The following WDFY2 variants were observed in gnomAD, a reference collection of about 807,000 sequenced individuals.
The protein encoded by WDFY2 is WD repeat and FYVE domain containing 2.
Under a neutral mutation model 56.4 loss-of-function variants are expected in WDFY2, and 36 were observed. That is an observed-to-expected ratio of 0.64 (90% CI 0.49 to 0.84). WDFY2 has a LOEUF of 0.84. Ranked by LOEUF, WDFY2 falls within the 40% of genes least tolerant of loss-of-function variation. The pLI is 0.00. For synonymous variants in WDFY2, 176 were observed against 183.7 expected (o/e 0.96, Z 0.34); for missense variants, 444 against 512.2 (o/e 0.87, Z 1.29).
At chr13:51,728,159 C>A (rs902350273) in intron 6 of WDFY2, among the ~76,000 whole-genome samples, 6 of 152,180 alleles carry the variant, frequency 3.9e-5, no homozygotes, top group African/African-American at 1.2e-4. Context: ...TGACCTTGCC[C>A]TTCCTGGAGT....
At chr13:51,625,191 G>C (rs149621086) in intron 1 of WDFY2, among the ~76,000 whole-genome samples, 2,300 of 152,258 alleles carry the variant, frequency 0.015, 15 homozygotes, top group Middle Eastern at 0.024. Flanking sequence ...TGGTGGCCAG[G>C]GTGGTAAGAG....
At chr13:51,735,620 T>C (rs1169514695) in intron 6 of WDFY2, among the ~76,000 whole-genome samples, 1 of 152,174 alleles carries the variant, frequency 6.6e-6, no homozygotes, top group African/African-American at 2.4e-5. Flanking sequence ...ACATTTTTGG[T>C]AGGTAGAATG....
At chr13:51,679,836 C>T (rs776750025) in intron 3 of WDFY2, among the ~76,000 whole-genome samples, 8 of 152,078 alleles carry the variant, frequency 5.3e-5, no homozygotes, top group Admixed American at 1.3e-4. Flanking sequence ...CTTGGCATTC[C>T]GTGGCTTGTG....
intron 7 of WDFY2, among the ~76,000 whole-genome samples, chr13:51,742,635 G>A (rs1231503690): frequency 2.6e-5 from 4 of 151,752 alleles, no homozygotes; most frequent in Admixed American, 2.0e-4. Flanking sequence ...CCAACTTCAC[G>A]CCCGTAATTT....
intron 8 of WDFY2, among the ~76,000 whole-genome samples, chr13:51,754,189 G>C (rs542821369): frequency 5.7e-4 from 86 of 151,624 alleles, no homozygotes; most frequent in African/African-American, 2.0e-3. Flanking sequence ...CTCCCATCCT[G>C]CTGTTTCTTG....
chr13:51,742,990 G>T (rs542213544), intron 7 of WDFY2, among the ~76,000 whole-genome samples: 6 of 152,300 alleles, frequency 3.9e-5, no homozygotes, highest in African/African-American at 1.4e-4. Context: ...CTTGTATCAA[G>T]TAAATTGCAT....
intron 5 of WDFY2, among the ~76,000 whole-genome samples, chr13:51,725,240 A>G (rs1225483304): frequency 6.6e-6 from 1 of 152,228 alleles, no homozygotes; most frequent in East Asian, 1.9e-4. Context: ...ATAATGAGCA[A>G]TACTAAATAA....
intron 2 of WDFY2, among the ~76,000 whole-genome samples, chr13:51,669,863 TG>T (rs1295344358): frequency 1.3e-5 from 2 of 152,154 alleles, no homozygotes; most frequent in African/African-American, 4.8e-5. Flanking sequence ...CAGTTAAAAG[TG>T]GGGGTCATAA....
At chr13:51,690,024 G>A (rs1470299117) in intron 3 of WDFY2, among the ~76,000 whole-genome samples, 2 of 151,944 alleles carry the variant, frequency 1.3e-5, no homozygotes, top group Non-Finnish European at 2.9e-5. Context: ...AATGAGATTT[G>A]CTAAAATGGA....
chr13:51,621,566 AC>A (rs1172740523), intron 1 of WDFY2, among the ~76,000 whole-genome samples: 1 of 152,202 alleles, frequency 6.6e-6, no homozygotes, highest in African/African-American at 2.4e-5. Context: ...GGTATCAGTT[AC>A]CTGGGAAAGC....
intron 1 of WDFY2, among the ~76,000 whole-genome samples, chr13:51,605,351 G>A (rs1954366561): frequency 1.3e-5 from 2 of 152,146 alleles, no homozygotes; most frequent in South Asian, 4.1e-4. Flanking sequence ...TGTTTTCTTA[G>A]GTACAAAATG....
At chr13:51,642,357 G>A (rs547782385) in intron 1 of WDFY2, among the ~76,000 whole-genome samples, 11 of 151,576 alleles carry the variant, frequency 7.3e-5, no homozygotes, top group Non-Finnish European at 1.0e-4. Context: ...GCACAATCTC[G>A]GCTCACTGCA....
chr13:51,730,457 C>T (rs1186568139), intron 6 of WDFY2, among the ~76,000 whole-genome samples: 1 of 152,196 alleles, frequency 6.6e-6, no homozygotes, highest in Non-Finnish European at 1.5e-5. Flanking sequence ...CCCTGGATCC[C>T]CTTCTCTTTA....
intron 1 of WDFY2, among the ~76,000 whole-genome samples, chr13:51,606,855 C>T (rs988381886): frequency 2.0e-5 from 3 of 152,046 alleles, no homozygotes; most frequent in Non-Finnish European, 4.4e-5. Context: ...TAATTTTTCA[C>T]CATGTAATTC....
intron 1 of WDFY2, among the ~76,000 whole-genome samples, chr13:51,646,620 C>T (rs919700096): frequency 3.3e-5 from 5 of 152,092 alleles, no homozygotes; most frequent in Admixed American, 2.0e-4. Flanking sequence ...AAATGTGTGT[C>T]GTGTAAATTA....
At chr13:51,612,207 C>G (rs948581173) in intron 1 of WDFY2, among the ~76,000 whole-genome samples, 1 of 152,114 alleles carries the variant, frequency 6.6e-6, no homozygotes, top group Middle Eastern at 3.2e-3. Context: ...AAGACACATA[C>G]TGATTTCTAG....
chr13:51,605,655 G>A (rs923348201), intron 1 of WDFY2, among the ~76,000 whole-genome samples: 16 of 152,268 alleles, frequency 1.1e-4, no homozygotes, highest in East Asian at 3.9e-4. Context: ...ATTATTACCC[G>A]TGAAACTTAT....
chr13:51,632,033 T>C (rs1307593744), intron 1 of WDFY2, among the ~76,000 whole-genome samples: 2 of 152,220 alleles, frequency 1.3e-5, no homozygotes, highest in Non-Finnish European at 2.9e-5. Context: ...TATGTTATAG[T>C]AATGATAATT....
At chr13:51,625,165 G>C (rs1453452285) in intron 1 of WDFY2, among the ~76,000 whole-genome samples, 2 of 152,204 alleles carry the variant, frequency 1.3e-5, no homozygotes, top group African/African-American at 4.8e-5. Context: ...AAGTGGCTGT[G>C]ACCAAGGTGA....
Sources: gnomAD v4.1 joint callset for allele counts (sites outside exome capture counted in the v4.1 genomes callset) on GRCh38, gnomAD v4.1.1 for gene constraint, MANE v1.5 for transcripts, NCBI Gene and HGNC (gene_info 2026-07-23, HGNC 2026-07-21) for gene names.